TENM4: variants seen among roughly 807,000 people sequenced by gnomAD.
TENM4 encodes the protein teneurin transmembrane protein 4, also known as teneurin-4.
Under a neutral mutation model 243.3 loss-of-function variants are expected in TENM4, and 82 were observed. That is an observed-to-expected ratio of 0.34 (90% CI 0.28 to 0.40). The LOEUF (loss-of-function observed/expected upper bound fraction) is 0.40, where lower values mean the gene tolerates loss of function less well. Ranked by LOEUF, TENM4 falls within the 10% of genes least tolerant of loss-of-function variation. TENM4 has a pLI of 1.00. For missense variants in TENM4, 3,138 were observed against 3,673.3 expected, an observed-to-expected ratio of 0.85 and a Z score of 3.77; for synonymous variants, 1,412 against 1,456.3, an observed-to-expected ratio of 0.97 and a Z score of 0.69.
chr11:78,929,850 T>C (rs1344336042), intron 6 of TENM4, among the ~76,000 whole-genome samples: 1 of 152,220 alleles, frequency 6.6e-6, no homozygotes, highest in Non-Finnish European at 1.5e-5. Context: ...CCTTCTCTGC[T>C]GGGAGCCTAT....
At chr11:78,758,769 AG>A (rs1170415847) in intron 18 of TENM4, among the ~76,000 whole-genome samples, 5 of 152,178 alleles carry the variant, frequency 3.3e-5, no homozygotes. Context: ...AGAAGCTTAT[AG>A]TCTCCTTGAA....
intron 3 of TENM4, among the ~76,000 whole-genome samples, chr11:79,163,493 C>T (rs980123265): frequency 6.6e-5 from 10 of 151,752 alleles, no homozygotes; most frequent in Non-Finnish European, 7.4e-5. Context: ...ACCCATCACC[C>T]GAGCAGTGCA....
At chr11:79,117,723 T>C (rs1484289386) in intron 4 of TENM4, among the ~76,000 whole-genome samples, 1 of 152,226 alleles carries the variant, frequency 6.6e-6, no homozygotes, top group Non-Finnish European at 1.5e-5. Flanking sequence ...TAAGGCCAGC[T>C]GAACCTTGCT....
At chr11:78,795,018 T>C (rs563098107) in intron 15 of TENM4, among the ~76,000 whole-genome samples, 33 of 152,266 alleles carry the variant, frequency 2.2e-4, no homozygotes, top group African/African-American at 7.5e-4. Flanking sequence ...TGGTGGTCGC[T>C]GCGCTCTTTG....
At chr11:79,138,635 T>C (rs1171005216) in intron 4 of TENM4, among the ~76,000 whole-genome samples, 1 of 105,760 alleles carries the variant, frequency 9.5e-6, no homozygotes, top group East Asian at 2.3e-4. Context: ...ATATATTATA[T>C]TTATATAAAT....
chr11:78,677,467 C>T (rs996737488), intron 29 of TENM4, among the ~76,000 whole-genome samples: 2 of 152,020 alleles, frequency 1.3e-5, no homozygotes, highest in Admixed American at 1.3e-4. Context: ...TTTGACCAGG[C>T]AGGTCTTGAA....
chr11:78,912,042 AG>A (rs1361346133), intron 6 of TENM4, among the ~76,000 whole-genome samples: 1 of 152,196 alleles, frequency 6.6e-6, no homozygotes, highest in Non-Finnish European at 1.5e-5. Flanking sequence ...GGCAGACAAA[AG>A]GGGAGCAAGA....
chr11:79,232,416 T>C (rs948130782), intron 2 of TENM4, among the ~76,000 whole-genome samples: 1 of 152,226 alleles, frequency 6.6e-6, no homozygotes, highest in Admixed American at 6.5e-5. Context: ...TCCTTACTTC[T>C]GAACCCAACA....
At chr11:78,824,783 C>T (rs1448574574) in intron 12 of TENM4, among the ~76,000 whole-genome samples, 2 of 152,118 alleles carry the variant, frequency 1.3e-5, no homozygotes, top group African/African-American at 4.8e-5. Flanking sequence ...GGATTACAGG[C>T]GTGGGCCACC....
intron 10 of TENM4, among the ~76,000 whole-genome samples, chr11:78,857,203 A>G (rs1009684935): frequency 2.0e-5 from 3 of 152,234 alleles, no homozygotes; most frequent in African/African-American, 7.2e-5. Context: ...CATCAAGTCA[A>G]CAGGCTGTAT....
chr11:79,036,177 T>G lies in TENM4; in HGVS notation c.493+28561A>C, dbSNP rs140284855. Among the ~76,000 whole-genome samples the G allele has an allele frequency of 2.4e-3, 358 of 152,298 alleles. 3 individuals are homozygous for G. Among genetic ancestry groups the G allele is most frequent in the African/African-American group, 7.8e-3 (325 of 41,568 alleles). On this transcript the variant is annotated intron_variant, in intron 6 of 33. Coordinates refer to ENST00000278550, the MANE Select transcript of TENM4 (RefSeq NM_001098816.3). ...CTGGAGTGGGGCTGAGATTCTGCAT[T>G]TCTCATCAGCTTATGCTGTAGGTTC...
rs11289313 is a variant in TENM4, at chr11:78,818,961, TAA to T, written c.1682-4568_1682-4567del. ...TTTCTATCACAGCAGTGGGTCCTGG[TAA>T]AAAAAAAAAAAAAATACATGATTTT... On this transcript the variant is annotated intron_variant, in intron 12 of 33. Transcript: ENST00000278550. Among the ~76,000 whole-genome samples the T allele has an allele frequency of 7.9e-3, 1,137 of 143,684 alleles. 13 individuals carry two copies. The highest frequency in any genetic ancestry group is 0.024 in the African/African-American group (927 of 39,254). The allele number at this position is 143,684 out of a possible 152,430, so 94.3% of individuals were successfully genotyped here. A position where few individuals can be genotyped will look rare whatever the true frequency, so the allele number is the denominator to read the frequency against.
chr11:79,178,925 C>G (rs1002900615), intron 3 of TENM4, among the ~76,000 whole-genome samples: 9 of 152,168 alleles, frequency 5.9e-5, no homozygotes, highest in African/African-American at 2.2e-4. Context: ...ATGTATCTGG[C>G]TAGAAGAAAG....
At chr11:78,684,542 A>G (rs1389567791) in intron 29 of TENM4, among the ~76,000 whole-genome samples, 1 of 150,740 alleles carries the variant, frequency 6.6e-6, no homozygotes, top group Non-Finnish European at 1.5e-5. Flanking sequence ...ACACATACAC[A>G]CAGACACACA....
chr11:79,392,064 T>TCCATC (rs1378359778), intron 1 of TENM4, among the ~76,000 whole-genome samples: 1 of 152,216 alleles, frequency 6.6e-6, no homozygotes, highest in Admixed American at 6.5e-5. Flanking sequence ...CAACACAGAC[T>TCCATC]CCATCAGCCT....
At chr11:78,963,029 C>A (rs559042667) in intron 6 of TENM4, among the ~76,000 whole-genome samples, 3 of 152,312 alleles carry the variant, frequency 2.0e-5, no homozygotes, top group Admixed American at 2.0e-4. Context: ...TTGTTCATGT[C>A]TTTATATTCA....
rs930014336 is a variant in TENM4 at position 79,276,753 on chromosome 11, T to C, written c.-265+20735A>G. 3.3e-5 allele frequency among the ~76,000 whole-genome samples: 5 copies of C among 152,162 alleles called. 1 individual carries two copies. Among genetic ancestry groups the C allele is most frequent in the Admixed American group, 2.0e-4 (3 of 15,280 alleles). Reference sequence around the variant, plus strand: ...CCTCTACCACTGCCATACTCCTTGCTGCTTTGGGGGTACCATTTGCAGCCT... The same window carrying C: ...CCTCTACCACTGCCATACTCCTTGCCGCTTTGGGGGTACCATTTGCAGCCT... On this transcript the variant is annotated intron_variant, in intron 2 of 33. Coordinates refer to ENST00000278550, the MANE Select transcript of TENM4 (RefSeq NM_001098816.3).
At chr11:78,878,785 T>C (rs548384532) in intron 9 of TENM4, among the ~76,000 whole-genome samples, 1 of 152,290 alleles carries the variant, frequency 6.6e-6, no homozygotes, top group South Asian at 2.1e-4. Context: ...AATCCTGCTC[T>C]GGGGAATACA....
intron 6 of TENM4, among the ~76,000 whole-genome samples, chr11:79,030,121 G>A (rs1241327012): frequency 6.6e-6 from 1 of 152,184 alleles, no homozygotes; most frequent in Admixed American, 6.5e-5. Context: ...GTAATCAGAG[G>A]AAGAGACTAG....
Sources: gnomAD v4.1 joint callset for allele counts (sites outside exome capture counted in the v4.1 genomes callset) on GRCh38, gnomAD v4.1.1 for gene constraint, MANE v1.5 for transcripts, NCBI Gene and HGNC (gene_info 2026-07-23, HGNC 2026-07-21) for gene names.